Variants in RAP1GDS1 observed in about 807,000 individuals in gnomAD.
RAP1GDS1 encodes Rap1 GTPase-GDP dissociation stimulator 1, also known as RAP1, GTP-GDP dissociation stimulator 1.
RAP1GDS1 carries 35 observed loss-of-function variants against 71.1 expected under a neutral mutation model. The observed-to-expected ratio is 0.49, with a 90% confidence interval of 0.38 to 0.65. The LOEUF is 0.65. Among genes scored for constraint, RAP1GDS1 ranks in the 30% least tolerant of loss-of-function variants. RAP1GDS1 has a pLI of 0.00. For synonymous variants in RAP1GDS1, 229 were observed against 243.1 expected (o/e 0.94, Z 0.54); for missense variants, 663 against 706.1 (o/e 0.94, Z 0.69).
intron 10 of RAP1GDS1, among the ~76,000 whole-genome samples, 154 bp from the exon 11 acceptor site, chr4:98,419,865 C>G (rs1748561587): frequency 6.6e-6 from 1 of 152,064 alleles, no homozygotes; most frequent in African/African-American, 2.4e-5. Context: ...CAACTGAATT[C>G]CATTCTTAAA....
chr4:98,397,444 G>A (rs1230605538), intron 6 of RAP1GDS1, among the ~76,000 whole-genome samples: 30 of 151,976 alleles, frequency 2.0e-4, no homozygotes, highest in Admixed American at 1.6e-3. Flanking sequence ...ACCAGCCTGC[G>A]TAACATAGTG....
At chr4:98,416,575 C>G (rs1307848539) in intron 7 of RAP1GDS1, among the ~76,000 whole-genome samples, 170 bp from the exon 8 acceptor site, 1 of 151,870 alleles carries the variant, frequency 6.6e-6, no homozygotes, top group Non-Finnish European at 1.5e-5. Flanking sequence ...TGGTCTCGAT[C>G]TCCTGACCTT....
In RAP1GDS1 at chr4:98,441,970, G is replaced by GTTAT; in HGVS notation, c.1697-17_1697-14dup. 1 of 1,612,558 alleles carries GTTAT rather than the reference G, an allele frequency of 6.2e-7. No individual in the cohort carries two copies. The highest frequency in any genetic ancestry group is 8.5e-7 in the Non-Finnish European group (1 of 1,179,432). On this transcript the variant is annotated intron_variant, in intron 14 of 14. Coordinates refer to ENST00000408927, the MANE Select transcript of RAP1GDS1 (RefSeq NM_001100427.2). ...AGAACAACCTAACAGAATCATATCT[G>GTTAT]TTATTTTTTTGTCTTCCAGAATGTC...
chr4:98,273,930 C>T (rs956151480), intron 1 of RAP1GDS1, among the ~76,000 whole-genome samples: 4 of 152,122 alleles, frequency 2.6e-5, no homozygotes, highest in Non-Finnish European at 5.9e-5. Context: ...TTTGCACTTG[C>T]AGTGAGGTCT....
At chr4:98,336,890 T>C (rs1185316330) in intron 2 of RAP1GDS1, among the ~76,000 whole-genome samples, 1 of 151,792 alleles carries the variant, frequency 6.6e-6, no homozygotes, top group Non-Finnish European at 1.5e-5. Flanking sequence ...TTGTTTTGTT[T>C]TGTTTTGTTT....
intron 4 of RAP1GDS1, among the ~76,000 whole-genome samples, chr4:98,357,973 A>G (rs779339340): frequency 2.0e-5 from 3 of 152,022 alleles, no homozygotes; most frequent in East Asian, 1.9e-4. Flanking sequence ...TAAAGATATA[A>G]AAGCCAGAAG....
intron 6 of RAP1GDS1, chr4:98,395,819 CT>C (rs1231452945): frequency 6.6e-6 from 1 of 152,150 alleles, no homozygotes; most frequent in Non-Finnish European, 1.5e-5. Context: ...CCAATCAATA[CT>C]GTAATATCAA....
chr4:98,369,060 G>A (rs967370225), intron 4 of RAP1GDS1, among the ~76,000 whole-genome samples: 3 of 152,166 alleles, frequency 2.0e-5, no homozygotes, highest in African/African-American at 7.2e-5. Context: ...GGCTTACATG[G>A]TGGCAGGCAA....
intron 3 of RAP1GDS1, among the ~76,000 whole-genome samples, chr4:98,347,347 AAAG>A (rs1736438791): frequency 6.6e-6 from 1 of 152,226 alleles, no homozygotes; most frequent in East Asian, 1.9e-4. Context: ...TAAATTTACA[AAAG>A]AATAAAAAAT....
At chr4:98,415,079 G>C (rs1578801013) in intron 7 of RAP1GDS1, among the ~76,000 whole-genome samples, 2 of 152,086 alleles carry the variant, frequency 1.3e-5, no homozygotes, top group Non-Finnish European at 2.9e-5. Flanking sequence ...ATTCCCCAGG[G>C]TATTATTAAT....
intron 4 of RAP1GDS1, among the ~76,000 whole-genome samples, chr4:98,354,055 C>CTTTTT (rs895411941): frequency 7.4e-6 from 1 of 134,968 alleles, no homozygotes; most frequent in Admixed American, 7.4e-5. Flanking sequence ...CAAAAGTATT[C>CTTTTT]TTTTTTTTTT....
At chr4:98,441,079 C>T (rs1225003355) in intron 14 of RAP1GDS1, among the ~76,000 whole-genome samples, 2 of 152,148 alleles carry the variant, frequency 1.3e-5, no homozygotes, top group African/African-American at 2.4e-5. Context: ...TATGAGAACT[C>T]CAGCTTTGTT....
chr4:98,416,340 T>TTG (rs1747994942), intron 7 of RAP1GDS1, among the ~76,000 whole-genome samples: 1 of 117,164 alleles, frequency 8.5e-6, no homozygotes, highest in African/African-American at 3.4e-5. Flanking sequence ...CTTAGTTTTT[T>TTG]TTTTTTTTTT....
chr4:98,418,627 G>C (rs752359234), intron 9 of RAP1GDS1, 30 bp from the exon 10 acceptor site: 1 of 1,565,790 alleles, frequency 6.4e-7, no homozygotes, highest in East Asian at 2.3e-5. Context: ...TTTTAAAGAG[G>C]AAGAAAAAGA....
chr4:98,360,022 G>T (rs1343637332), intron 4 of RAP1GDS1, among the ~76,000 whole-genome samples: 34 of 152,130 alleles, frequency 2.2e-4, no homozygotes, highest in Admixed American at 2.2e-3. Context: ...GAGAAACTAT[G>T]ATCTTTCCAT....
chr4:98,426,346 C>G (rs1578847507), intron 12 of RAP1GDS1, among the ~76,000 whole-genome samples: 1 of 151,766 alleles, frequency 6.6e-6, no homozygotes, highest in Non-Finnish European at 1.5e-5. Context: ...AAACCCATAC[C>G]CAGCAGAAGA....
intron 4 of RAP1GDS1, among the ~76,000 whole-genome samples, chr4:98,366,521 T>G (rs895244739): frequency 6.6e-5 from 10 of 152,044 alleles, no homozygotes; most frequent in Admixed American, 2.0e-4. Flanking sequence ...ACTTTGGAAC[T>G]GGGTAGTAGG....
At chr4:98,267,267 T>C (rs1722821065) in intron 1 of RAP1GDS1, among the ~76,000 whole-genome samples, 1 of 152,142 alleles carries the variant, frequency 6.6e-6, no homozygotes, top group South Asian at 2.1e-4. Context: ...CCCTTCATTG[T>C]TTGGAAAGAG....
chr4:98,285,153 C>T (rs1725784567), intron 1 of RAP1GDS1, among the ~76,000 whole-genome samples: 1 of 152,094 alleles, frequency 6.6e-6, no homozygotes, highest in African/African-American at 2.4e-5. Flanking sequence ...GATACATTTC[C>T]TCAGTGAGCA....
Sources: gnomAD v4.1 joint callset for allele counts (sites outside exome capture counted in the v4.1 genomes callset) on GRCh38, gnomAD v4.1.1 for gene constraint, MANE v1.5 for transcripts, NCBI Gene and HGNC (gene_info 2026-07-23, HGNC 2026-07-21) for gene names.